The following STK38L variants were observed in gnomAD, a reference collection of about 807,000 sequenced individuals.
The protein encoded by STK38L is serine/threonine-protein kinase 38-like.
Under a neutral mutation model 59.7 loss-of-function variants are expected in STK38L, and 28 were observed. That is an observed-to-expected ratio of 0.47 (90% CI 0.35 to 0.64). The LOEUF (loss-of-function observed/expected upper bound fraction) is 0.64. Among genes scored for constraint, STK38L ranks in the 30% least tolerant of loss-of-function variants. The pLI, the probability that STK38L is intolerant of heterozygous loss-of-function variation, is 0.01. For missense variants in STK38L, 314 were observed against 555.8 expected (o/e 0.56, Z 4.37); for synonymous variants, 162 against 176.8 (o/e 0.92, Z 0.66).
intron 3 of STK38L, among the ~76,000 whole-genome samples, chr12:27,303,034 A>T (rs1022416632): frequency 5.7e-5 from 7 of 122,586 alleles, no homozygotes; most frequent in African/African-American, 2.2e-4. Context: ...AAAAAAAAAA[A>T]TTGGTATACC....
At chr12:27,296,186 A>G (rs1304777102) in intron 1 of STK38L, among the ~76,000 whole-genome samples, 1 of 152,206 alleles carries the variant, frequency 6.6e-6, no homozygotes, top group Non-Finnish European at 1.5e-5. Context: ...AAAATATCAT[A>G]AAGTTCCTGA....
At chr12:27,319,568 T>A in intron 12 of STK38L, 145 bp downstream of exon 12, 1 of 550,270 alleles carries the variant, frequency 1.8e-6, no homozygotes, top group Non-Finnish European at 3.2e-6. Flanking sequence ...ATTATGTAAG[T>A]GAGTGGGACT....
rs1292161761 is a variant in STK38L, at chr12:27,325,773, AG to A, written c.*3320del. On this transcript the variant is annotated 3_prime_UTR_variant, in exon 14 of 14. Transcript: ENST00000389032. ...GTGAGGGGATATTGCTGCTTTAAAAAGGAATAAAGTAATAAAAATATATCTC... is the reference window on the plus strand; with the variant it reads ...GTGAGGGGATATTGCTGCTTTAAAAAGAATAAAGTAATAAAAATATATCTC... 4 of 152,224 alleles carry A rather than the reference AG, an allele frequency of 2.6e-5. No homozygotes were observed. Among genetic ancestry groups the A allele is most frequent in the African/African-American group, 7.2e-5 (3 of 41,474 alleles). The allele number at this position is 152,224 out of a possible 1,614,324, so 9.4% of individuals were successfully genotyped here.
rs1269196500 is a variant in STK38L, at chr12:27,308,899, AAT to A, written c.310-207_310-206del. Among the ~76,000 whole-genome samples the A allele has an allele frequency of 1.1e-4, 16 of 146,126 alleles. 1 individual carries two copies. The highest frequency in any genetic ancestry group is 5.5e-4 in the Admixed American group (8 of 14,446). Reference sequence around the variant, plus strand: ...AAATATATATAAATGTAAATATATAAATATATATAAATATATATTAATATATA... The same window carrying A: ...AAATATATATAAATGTAAATATATAAATATATAAATATATATTAATATATA... On this transcript the variant is annotated intron_variant, in intron 4 of 13. Coordinates refer to ENST00000389032, the MANE Select transcript of STK38L (RefSeq NM_015000.4). This position sits in a 1 kb window ranked among gnomAD's most constrained non-coding sequence, Gnocchi z 4.5.
chr12:27,286,711 T>TA (rs1463846597), intron 1 of STK38L, among the ~76,000 whole-genome samples: 3 of 152,176 alleles, frequency 2.0e-5, no homozygotes, highest in African/African-American at 7.2e-5. Context: ...TGTCAAAAAA[T>TA]AAAAAATATC....
intron 1 of STK38L, among the ~76,000 whole-genome samples, chr12:27,281,362 GGCGTGAGCCACCGCGCCCGGCCC>G: frequency 2.7e-4 from 1 of 3,640 alleles, no homozygotes; most frequent in Non-Finnish European, 1.2e-3. Context: ...TGGGATTACA[GGCGTGAGCCACCGCGCCCGGCCC>G]GGCTTTAGCT....
At chr12:27,297,307 ACT>A (rs1944049131) in intron 1 of STK38L, 1 of 157,642 alleles carries the variant, frequency 6.3e-6, no homozygotes, top group Non-Finnish European at 1.4e-5. Context: ...AACTGCATTA[ACT>A]CTTAGGAGAC....
intron 10 of STK38L, 147 bp from the exon 11 acceptor site, chr12:27,317,749 C>T (rs2242185): frequency 0.85 from 834,667 of 977,260 alleles, 358,010 homozygotes; most frequent in Non-Finnish European, 0.88. Context: ...TTATTAGCAA[C>T]GTGATTGTAA....
In STK38L at chr12:27,322,674, T is replaced by G; in HGVS notation, c.*219T>G. Reference sequence around the variant, plus strand: ...TTAATATTTTATTATTTTTGTTAACTTTATTATATGAAGGTACTGGAATAA... The same window carrying G: ...TTAATATTTTATTATTTTTGTTAACGTTATTATATGAAGGTACTGGAATAA... On this transcript the variant is annotated 3_prime_UTR_variant, in exon 14 of 14. Transcript: ENST00000389032. 2.3e-6 allele frequency: 1 copy of G among 437,786 alleles called. No homozygotes were observed. 27.1% of individuals were successfully genotyped at this position (437,786 alleles called of 1,614,324 possible). A position where few individuals can be genotyped will look rare whatever the true frequency, so the allele number is the denominator to read the frequency against.
chr12:27,258,775 T>C (rs1266265361), intron 1 of STK38L, among the ~76,000 whole-genome samples: 1 of 152,266 alleles, frequency 6.6e-6, no homozygotes, highest in Non-Finnish European at 1.5e-5. Context: ...GATCTGACTC[T>C]GCTCTCCTTT....
At position 27,308,859 on chromosome 12, in the gene STK38L, AAT is replaced by A. The variant is rs1346463445; in HGVS notation, c.310-247_310-246del. ...ATGTGTTTGTATGTATATATAAAAA[AAT>A]ATATATAAATATAAATATATATAAA... On this transcript the variant is annotated intron_variant, in intron 4 of 13. Transcript: ENST00000389032. The surrounding 1 kb of genome is among the most constrained non-coding windows in gnomAD (Gnocchi z 4.5). Among the ~76,000 whole-genome samples, 3 of 135,560 alleles carry A rather than the reference AAT, an allele frequency of 2.2e-5. No individual in the cohort carries two copies. The highest frequency in any genetic ancestry group is 7.4e-5 in the Admixed American group (1 of 13,584). The allele number at this position is 135,560 out of a possible 152,430, so 88.9% of individuals were successfully genotyped here.
At chr12:27,287,057 C>T (rs1437953693) in intron 1 of STK38L, among the ~76,000 whole-genome samples, 1 of 150,562 alleles carries the variant, frequency 6.6e-6, no homozygotes, top group East Asian at 1.9e-4. Context: ...TATGAGCTTA[C>T]TTGATAAATA....
chr12:27,283,670 T>G (rs904944989), intron 1 of STK38L, among the ~76,000 whole-genome samples: 3 of 152,232 alleles, frequency 2.0e-5, no homozygotes, highest in Non-Finnish European at 4.4e-5. Context: ...TTTCACATTT[T>G]TACATGAAAC....
chr12:27,265,404 A>T (rs2136613226), intron 1 of STK38L, among the ~76,000 whole-genome samples: 1 of 152,050 alleles, frequency 6.6e-6, no homozygotes, highest in Middle Eastern at 3.4e-3. Context: ...CATTATTTGG[A>T]TTTATTGTTA....
intron 1 of STK38L, among the ~76,000 whole-genome samples, chr12:27,279,688 A>ATT (rs10666650): frequency 0.052 from 6,976 of 133,340 alleles, 453 homozygotes; most frequent in East Asian, 0.37. Context: ...AAAAAAAAAA[A>ATT]TTTTTTTTTT....
At chr12:27,320,658 G>A (rs888673876) in intron 12 of STK38L, among the ~76,000 whole-genome samples, 11 of 151,802 alleles carry the variant, frequency 7.2e-5, no homozygotes, top group Admixed American at 5.3e-4. Flanking sequence ...CTTTACTTGC[G>A]TTTCTCATCT....
chr12:27,315,020 T>C lies in STK38L; in HGVS notation c.678T>C (p.His226=), dbSNP rs1944552328. The change falls in exon 8 of 14, where the codon CAT becomes CAC. Residue 226 remains histidine, a synonymous_variant. Coordinates refer to ENST00000389032, the MANE Select transcript of STK38L (RefSeq NM_015000.4). ...TTTACTGGATTTTTTTTTAGGGTCATGTAAAATTATCTGATTTTGGTTTAT... is the reference window on the plus strand; with the variant it reads ...TTTACTGGATTTTTTTTTAGGGTCACGTAAAATTATCTGATTTTGGTTTAT... The part of the protein sequence containing the change: ...PDNLLLDAKG[H]VKLSDFGLCT... 2 of 1,603,776 alleles carry C rather than the reference T, an allele frequency of 1.2e-6. No homozygotes were observed. Among genetic ancestry groups the C allele is most frequent in the South Asian group, 1.1e-5 (1 of 88,118 alleles).
At chr12:27,266,805 G>C (rs1195369587) in intron 1 of STK38L, among the ~76,000 whole-genome samples, 1 of 152,158 alleles carries the variant, frequency 6.6e-6, no homozygotes, top group Non-Finnish European at 1.5e-5. Flanking sequence ...ACAAATCCAA[G>C]AAGAAGCATG....
intron 1 of STK38L, among the ~76,000 whole-genome samples, chr12:27,248,531 C>T (rs749966873): frequency 4.6e-5 from 7 of 152,228 alleles, no homozygotes; most frequent in Non-Finnish European, 1.0e-4. Context: ...GCAGGGAATA[C>T]AGCAGGTGAG....
Sources: gnomAD v4.1 joint callset for allele counts (sites outside exome capture counted in the v4.1 genomes callset) on GRCh38, gnomAD v4.1.1 for gene constraint, Gnocchi (gnomAD v3.1) non-coding constraint, MANE v1.5 for transcripts, NCBI Gene and HGNC (gene_info 2026-07-23, HGNC 2026-07-21) for gene names.